TRPM1: variants seen among roughly 807,000 people sequenced by gnomAD.
The protein encoded by TRPM1 is transient receptor potential cation channel subfamily M member 1, also known as TRPM1-203 APA Isoform, Intron 10.
Under a neutral mutation model 149.4 loss-of-function variants are expected in TRPM1, and 113 were observed. The ratio of observed to expected loss-of-function variants is 0.76; its 90% CI spans 0.65 to 0.88. TRPM1 has a LOEUF of 0.88. Among genes scored for constraint, TRPM1 ranks in the 40% least tolerant of loss-of-function variants. TRPM1 has a pLI of 0.00. For synonymous variants in TRPM1, 741 were observed against 759.5 expected (o/e 0.98, Z 0.40); for missense variants, 1,976 against 2,038.7 (o/e 0.97, Z 0.59).
chr15:31,068,214 T>A, intron 4 of TRPM1, 122 bp from the exon 5 acceptor site: 1 of 861,044 alleles, frequency 1.2e-6, no homozygotes, highest in East Asian at 2.5e-5. Flanking sequence ...CTCAGGGCCC[T>A]GGAGCCCTCT....
chr15:31,098,416 C>T (rs1165610776), intron 1 of TRPM1, among the ~76,000 whole-genome samples: 2 of 152,142 alleles, frequency 1.3e-5, no homozygotes, highest in Non-Finnish European at 2.9e-5. Context: ...AGCAACAGAG[C>T]AAGACTCTGT....
intron 1 of TRPM1, among the ~76,000 whole-genome samples, chr15:31,148,607 G>C (rs1020399752): frequency 6.6e-6 from 1 of 152,184 alleles, no homozygotes; most frequent in Non-Finnish European, 1.5e-5. Context: ...GCCTCACCAC[G>C]AAGAATGAAG....
In TRPM1 at chr15:31,001,808, A is replaced by G. The variant is rs1442855211; in HGVS notation, c.*14T>C. 13 of 1,604,404 alleles carry G rather than the reference A, an allele frequency of 8.1e-6. No homozygotes were observed. The highest frequency in any genetic ancestry group is 1.0e-5 in the Non-Finnish European group (12 of 1,178,830). On this transcript the variant is annotated 3_prime_UTR_variant, in exon 28 of 28. Coordinates refer to ENST00000256552, the MANE Select transcript of TRPM1 (RefSeq NM_001252024.2). ...TCTGACTGTTAAAAAAAAAAATTAA[A>G]GAAACAAAACAGACTAGCATTCAGT...
At chr15:31,084,326 A>T (rs990547614) in intron 1 of TRPM1, among the ~76,000 whole-genome samples, 6 of 152,196 alleles carry the variant, frequency 3.9e-5, no homozygotes, top group Middle Eastern at 3.4e-3. Flanking sequence ...GATCACTCCT[A>T]AAAAAAGCCG....
rs2032574636 is a variant in TRPM1 at position 31,022,237 on chromosome 15, T to C, written c.3629+3902A>G. ...GTAGTGGATGTGCAGAAGACACAGA[T>C]AGCCTCAAATCTCCCAATGATAAGG... On this transcript the variant is annotated intron_variant, in intron 27 of 27. Coordinates refer to ENST00000256552, the MANE Select transcript of TRPM1 (RefSeq NM_001252024.2). Among the ~76,000 whole-genome samples the C allele has an allele frequency of 1.3e-5, 2 of 152,214 alleles. 1 individual carries two copies. Among genetic ancestry groups the C allele is most frequent in the Non-Finnish European group, 2.9e-5 (2 of 68,044 alleles).
intron 11 of TRPM1, among the ~76,000 whole-genome samples, chr15:31,055,604 T>C (rs2034060060): frequency 6.6e-6 from 1 of 152,170 alleles, no homozygotes; most frequent in South Asian, 2.1e-4. Context: ...ACTGCATTCC[T>C]GGGCTTCACT....
intron 1 of TRPM1, among the ~76,000 whole-genome samples, chr15:31,124,471 T>G (rs2035919043): frequency 6.7e-6 from 1 of 150,080 alleles, no homozygotes; most frequent in Non-Finnish European, 1.5e-5. Flanking sequence ...TTGGCTGACA[T>G]GGTGAAATCT....
At chr15:31,105,438 TGTGTG>T (rs2035589827), upstream of TRPM1, among the ~76,000 whole-genome samples, 4 of 3,186 alleles carry the variant, frequency 1.3e-3, no homozygotes, top group Non-Finnish European at 2.3e-3. Context: ...TGTGTCTCTG[TGTGTG>T]TGTGTGTGTG....
chr15:31,075,829 T>C (rs184379392), intron 3 of TRPM1, among the ~76,000 whole-genome samples: 13 of 152,300 alleles, frequency 8.5e-5, no homozygotes, highest in Admixed American at 8.5e-4. Context: ...TTACTTGCTG[T>C]TTGTCTTTGG....
At chr15:31,060,423 T>C in intron 11 of TRPM1, 121 bp downstream of exon 11, 2 of 825,982 alleles carry the variant, frequency 2.4e-6, no homozygotes, top group Non-Finnish European at 2.0e-6. Context: ...ATAGATTACA[T>C]ATCATATCAT....
intron 20 of TRPM1, 29 bp downstream of exon 20, chr15:31,037,682 A>C: frequency 6.2e-7 from 1 of 1,614,194 alleles, no homozygotes; most frequent in Non-Finnish European, 8.5e-7. Context: ...AAATATACTG[A>C]ATGTCAAATG....
rs1292849618 is a variant in TRPM1, at chr15:31,063,198, G to A, written c.885C>T (p.Pro295=). ...IVLEYLQEEP[P]IPVVICDGSG... ...TGCCATCACAAATCACCACAGGGATGGGAGGCTCTTCTTGCAGGTATTCCA... is the reference window on the plus strand; with the variant it reads ...TGCCATCACAAATCACCACAGGGATAGGAGGCTCTTCTTGCAGGTATTCCA... Residue 295 remains proline (P), a synonymous_variant, in exon 8 of 28, where the codon CCC becomes CCT. Coordinates refer to ENST00000256552, the MANE Select transcript of TRPM1 (RefSeq NM_001252024.2). 6.2e-7 allele frequency: 1 copy of A among 1,614,188 alleles called. No individual in the cohort carries two copies. Among genetic ancestry groups the A allele is most frequent in the Non-Finnish European group, 8.5e-7 (1 of 1,180,036 alleles).
In TRPM1 at chr15:31,035,531, C is replaced by T; in HGVS notation, c.2700+15G>A. The T allele has an allele frequency of 6.2e-7, 1 of 1,614,038 alleles. No homozygotes were observed. The highest frequency in any genetic ancestry group is 2.2e-5 in the East Asian group (1 of 44,886). On this transcript the variant is annotated intron_variant, in intron 21 of 27. Coordinates refer to ENST00000256552, the MANE Select transcript of TRPM1 (RefSeq NM_001252024.2). ...CAGCGGTTAGTGGGCTGGGGGAGGCCTTTGGAGTAGCCACCTCTCGTATCT... is the reference window on the plus strand; with the variant it reads ...CAGCGGTTAGTGGGCTGGGGGAGGCTTTTGGAGTAGCCACCTCTCGTATCT...
In TRPM1 at chr15:31,002,013, G is replaced by A. The variant is rs1241059033; in HGVS notation, c.4687C>T (p.Gln1563Ter). 6.2e-7 allele frequency: 1 copy of A among 1,614,186 alleles called. No individual in the cohort carries two copies. Among genetic ancestry groups the A allele is most frequent in the South Asian group, 1.1e-5 (1 of 91,084 alleles). ...CTGAGAGATGGGAATCCCAAAGTTTGATCTGGCTTCACAGACAGTAAGTTT... is the reference window on the plus strand; with the variant it reads ...CTGAGAGATGGGAATCCCAAAGTTTAATCTGGCTTCACAGACAGTAAGTTT... Reference protein sequence around the residue: ...MENLLSVKPDQTLGFPSLRSK... With the variant: ...MENLLSVKPD Residue 1563 changes from glutamine (Q) to a stop codon, truncating the protein, a stop_gained, in exon 28 of 28, where the codon CAA (glutamine) becomes TAA (stop). Transcript: ENST00000256552. LOFTEE classifies it low-confidence loss of function (END_TRUNC).
chr15:31,022,620 C>G (rs1299490420), intron 27 of TRPM1, among the ~76,000 whole-genome samples: 2 of 152,238 alleles, frequency 1.3e-5, no homozygotes, highest in Non-Finnish European at 2.9e-5. Flanking sequence ...TGAGTCTGCT[C>G]CTACTTCCTT....
chr15:31,060,557 C>T lies in TRPM1; in HGVS notation c.1250G>A (p.Gly417Glu). 1 of 1,614,196 alleles carries T rather than the reference C, an allele frequency of 6.2e-7. No individual in the cohort carries two copies. Among genetic ancestry groups the T allele is most frequent in the Non-Finnish European group, 8.5e-7 (1 of 1,180,008 alleles). Residue 417 changes from glycine (G) to glutamate (E), a missense_variant, in exon 11 of 28, where the codon GGG becomes GAG. Physicochemically the swap from Gly to Glu is moderately conservative, Grantham distance 98. Transcript: ENST00000256552. ...AAACAGTTTCACCGGCCAGTGGGGC[C>T]CAAAGACAAAGATCTGGCTTCGTGC... ...DIARSQIFVF[G>E]PHWPPLGSLA...
intron 1 of TRPM1, among the ~76,000 whole-genome samples, chr15:31,156,460 C>G (rs2036379115): frequency 6.6e-6 from 1 of 152,150 alleles, no homozygotes; most frequent in African/African-American, 2.4e-5. Flanking sequence ...GAGACATCAT[C>G]TACATAATAA....
chr15:31,139,476 A>G (rs1435712575), intron 1 of TRPM1, among the ~76,000 whole-genome samples: 1 of 152,218 alleles, frequency 6.6e-6, no homozygotes, highest in Non-Finnish European at 1.5e-5. Flanking sequence ...GTGTGTCTGT[A>G]TGTCTATATG....
intron 13 of TRPM1, 50 bp from the exon 14 acceptor site, chr15:31,047,989 G>GTGAGCCAC: frequency 1.9e-6 from 3 of 1,549,576 alleles, no homozygotes; most frequent in Non-Finnish European, 2.7e-6. Flanking sequence ...TTGGCCAGGC[G>GTGAGCCAC]CGGTGGCTCA....
Sources: allele counts gnomAD v4.1 joint callset (sites outside exome capture counted in the v4.1 genomes callset), GRCh38; gene constraint gnomAD v4.1.1; transcripts MANE v1.5; gene names NCBI Gene and HGNC (gene_info 2026-07-23, HGNC 2026-07-21).